Variants in AGPS observed in about 807,000 individuals in gnomAD.
AGPS encodes the protein alkylglycerone phosphate synthase.
AGPS carries 26 observed loss-of-function variants against 90.7 expected under a neutral mutation model. The ratio of observed to expected loss-of-function variants is 0.29; its 90% CI spans 0.21 to 0.40. The LOEUF is 0.40. Ranked by LOEUF, AGPS falls within the 10% of genes least tolerant of loss-of-function variation. The probability of loss-of-function intolerance (pLI) is 1.00; values close to 1 mark genes in which losing one functional copy is unlikely to be tolerated. For synonymous variants in AGPS, 294 were observed against 285.3 expected, an observed-to-expected ratio of 1.03 and a Z score of -0.31; for missense variants, 540 against 816.1, an observed-to-expected ratio of 0.66 and a Z score of 4.12.
intron 1 of AGPS, among the ~76,000 whole-genome samples, chr2:177,409,904 A>T (rs893350939): frequency 1.3e-5 from 2 of 152,226 alleles, no homozygotes; most frequent in African/African-American, 4.8e-5. Flanking sequence ...TCTTTGGCAC[A>T]CTTCACAGGC....
chr2:177,400,626 A>G (rs1449342816), intron 1 of AGPS, among the ~76,000 whole-genome samples: 1 of 152,170 alleles, frequency 6.6e-6, no homozygotes, highest in East Asian at 1.9e-4. Flanking sequence ...GAAAACTGTT[A>G]TATGATTGCA....
At chr2:177,536,122 C>T (rs937788494) in intron 19 of AGPS, among the ~76,000 whole-genome samples, 3 of 152,052 alleles carry the variant, frequency 2.0e-5, no homozygotes, top group African/African-American at 7.2e-5. Context: ...TGGTTCAGTT[C>T]CTTGTGGAAT....
chr2:177,442,506 A>G lies in AGPS; in HGVS notation c.789+20A>G, dbSNP rs1476810478. The stretch of plus-strand genomic sequence containing the variant: ...CAAATGGTATTTAATAATTTGAGAT[A>G]TATTTAAAACATTTTCTTTATTGGC... On this transcript the variant is annotated intron_variant, in intron 7 of 19. Transcript: ENST00000264167. 6.4e-7 allele frequency: 1 copy of G among 1,555,684 alleles called. No homozygotes were observed. The highest frequency in any genetic ancestry group is 8.9e-7 in the Non-Finnish European group (1 of 1,127,684).
In AGPS at chr2:177,441,000, G is replaced by T; in HGVS notation, c.673G>T (p.Ala225Ser). Reference sequence around the variant, plus strand: ...TGATGTAGTTAAGATTGTGAATCTAGCTTGCAAATATAATCTTTGTATCAT... The same window carrying T: ...TGATGTAGTTAAGATTGTGAATCTATCTTGCAAATATAATCTTTGTATCAT... ...HDDVVKIVNL[A>S]CKYNLCIIPI... The change falls in exon 6 of 20, where the codon GCT becomes TCT. Residue 225 changes from alanine (A) to serine (S), a missense_variant. Physicochemically the swap from Ala to Ser is moderately conservative, Grantham distance 99. Coordinates refer to ENST00000264167, the MANE Select transcript of AGPS (RefSeq NM_003659.4). 1.2e-6 allele frequency: 2 copies of T among 1,612,910 alleles called. No individual in the cohort carries two copies.
At chr2:177,531,056 C>T (rs1160088554) in intron 19 of AGPS, among the ~76,000 whole-genome samples, 1 of 152,040 alleles carries the variant, frequency 6.6e-6, no homozygotes, top group African/African-American at 2.4e-5. Flanking sequence ...AATTATAGGG[C>T]AGCTGCTGTT....
chr2:177,437,443 G>C (rs752373017), intron 5 of AGPS, among the ~76,000 whole-genome samples: 8 of 152,038 alleles, frequency 5.3e-5, no homozygotes, highest in African/African-American at 9.7e-5. Context: ...CAGCTTGTGA[G>C]CTTTAAAAAG....
chr2:177,484,752 A>G (rs1688045891), intron 11 of AGPS, among the ~76,000 whole-genome samples: 1 of 152,136 alleles, frequency 6.6e-6, no homozygotes, highest in South Asian at 2.1e-4. Flanking sequence ...GAAAAAAAAT[A>G]TGAATGCCAA....
At chr2:177,491,142 C>CCATA (rs10691421) in intron 11 of AGPS, among the ~76,000 whole-genome samples, 106,667 of 151,290 alleles carry the variant, frequency 0.71, 37,976 homozygotes, top group Admixed American at 0.78. Flanking sequence ...GTGTGAGCCG[C>CCATA]CATACCCAGC....
At position 177,404,777 on chromosome 2, in the gene AGPS, A is replaced by G. The variant is rs186434978; in HGVS notation, c.260+11728A>G. Among the ~76,000 whole-genome samples, 418 of 152,266 alleles carry G rather than the reference A, an allele frequency of 2.7e-3. 1 individual carries two copies. Among genetic ancestry groups the G allele is most frequent in the African/African-American group, 5.5e-3 (230 of 41,556 alleles). Reference sequence around the variant, plus strand: ...TTCACAAATTATTTCTGGCTTTACAACTATTAGACTACTATTCTAATTTTG... The same window carrying G: ...TTCACAAATTATTTCTGGCTTTACAGCTATTAGACTACTATTCTAATTTTG... On this transcript the variant is annotated intron_variant, in intron 1 of 19. Transcript: ENST00000264167.
At chr2:177,434,021 C>T (rs1356024329) in intron 2 of AGPS, among the ~76,000 whole-genome samples, 2 of 152,110 alleles carry the variant, frequency 1.3e-5, no homozygotes, top group Non-Finnish European at 2.9e-5. Flanking sequence ...CCAGCTGGGG[C>T]CTGCCATAAG....
Position 177,540,917 on chromosome 2 carries a change from G to C in AGPS, c.*2722G>C, listed in dbSNP as rs534401929. The C allele has an allele frequency of 2.0e-5, 3 of 152,190 alleles. No individual in the cohort carries two copies. The highest frequency in any genetic ancestry group is 6.5e-5 in the Admixed American group (1 of 15,278). The allele number at this position is 152,190 out of a possible 1,614,324, so 9.4% of individuals were successfully genotyped here. On this transcript the variant is annotated 3_prime_UTR_variant, in exon 20 of 20. Coordinates refer to ENST00000264167, the MANE Select transcript of AGPS (RefSeq NM_003659.4). ...TTAATGTTTGGTGCAATTTCTAGTA[G>C]TGCATAAGTGAATTTAGTCTTATGA...
chr2:177,407,236 T>C (rs960485103), intron 1 of AGPS, among the ~76,000 whole-genome samples: 8 of 152,336 alleles, frequency 5.3e-5, no homozygotes, highest in South Asian at 2.1e-4. Context: ...TATAGTGTTA[T>C]GCAATACTGT....
intron 17 of AGPS, among the ~76,000 whole-genome samples, chr2:177,518,418 A>G (rs1189132692): frequency 1.3e-5 from 2 of 152,128 alleles, no homozygotes; most frequent in Non-Finnish European, 2.9e-5. Context: ...CCTGGGCAAC[A>G]ATAGCAAAAC....
At chr2:177,450,751 A>G (rs1686914008) in intron 8 of AGPS, among the ~76,000 whole-genome samples, 3 of 151,922 alleles carry the variant, frequency 2.0e-5, no homozygotes, top group South Asian at 4.1e-4. Context: ...CTTCATGTTC[A>G]TATGGAAATG....
intron 12 of AGPS, among the ~76,000 whole-genome samples, chr2:177,496,977 GGCT>G (rs1289572733): frequency 6.6e-6 from 1 of 151,652 alleles, no homozygotes; most frequent in Non-Finnish European, 1.5e-5. Flanking sequence ...TTCTGAATTG[GGCT>G]GCTAACACTG....
chr2:177,543,199 C>G lies in AGPS; in HGVS notation c.*5004C>G, dbSNP rs746713919. The G allele has an allele frequency of 6.6e-6, 1 of 152,152 alleles. No individual in the cohort carries two copies. Among genetic ancestry groups the G allele is most frequent in the Non-Finnish European group, 1.5e-5 (1 of 68,034 alleles). 9.4% of individuals were successfully genotyped at this position (152,152 alleles called of 1,614,324 possible). A position where few individuals can be genotyped will look rare whatever the true frequency, so the allele number is the denominator to read the frequency against. On this transcript the variant is annotated 3_prime_UTR_variant, in exon 20 of 20. Transcript: ENST00000264167. Reference sequence around the variant, plus strand: ...CCTCAAGACACTCACTACATTCTTTCTGGATGTTTGCTCACAGGCTCCCTG... The same window carrying G: ...CCTCAAGACACTCACTACATTCTTTGTGGATGTTTGCTCACAGGCTCCCTG...
Position 177,543,433 on chromosome 2 carries a change from A to G in AGPS, c.*5238A>G, listed in dbSNP as rs2079257616. The G allele has an allele frequency of 6.6e-6, 1 of 152,316 alleles. No individual in the cohort carries two copies. The highest frequency in any genetic ancestry group is 3.4e-3 in the Middle Eastern group (1 of 294). The allele number at this position is 152,316 out of a possible 1,614,324, so 9.4% of individuals were successfully genotyped here. A position where few individuals can be genotyped will look rare whatever the true frequency, so the allele number is the denominator to read the frequency against. ...AATACTTTGGCTCTGATACAACTTA[A>G]CTTGAATAATATCTTATCCTGAGTC... On this transcript the variant is annotated 3_prime_UTR_variant, in exon 20 of 20. Coordinates refer to ENST00000264167, the MANE Select transcript of AGPS (RefSeq NM_003659.4).
chr2:177,447,820 T>G (rs1423428641), intron 8 of AGPS, among the ~76,000 whole-genome samples: 1 of 152,184 alleles, frequency 6.6e-6, no homozygotes, highest in African/African-American at 2.4e-5. Flanking sequence ...AACTTTTGTG[T>G]CCTTCAGATT....
At chr2:177,444,434 A>C (rs1003631828) in intron 7 of AGPS, among the ~76,000 whole-genome samples, 1 of 151,408 alleles carries the variant, frequency 6.6e-6, no homozygotes, top group African/African-American at 2.4e-5. Flanking sequence ...AAAAAAAAAA[A>C]AAAAAAGAAA....
Sources: allele counts gnomAD v4.1 joint callset (sites outside exome capture counted in the v4.1 genomes callset), GRCh38; gene constraint gnomAD v4.1.1; transcripts MANE v1.5; gene names NCBI Gene and HGNC (gene_info 2026-07-23, HGNC 2026-07-21).